The following PCDHGA8 variants were observed in gnomAD, a reference collection of about 807,000 sequenced individuals.
The protein encoded by PCDHGA8 is protocadherin gamma-A8.
PCDHGA8 carries 45 observed loss-of-function variants against 59.2 expected under a neutral mutation model. That is an observed-to-expected ratio of 0.76 (90% CI 0.60 to 0.98). The LOEUF (loss-of-function observed/expected upper bound fraction) is 0.98. PCDHGA8 is among the 50% of genes least tolerant of loss of function. PCDHGA8 has a pLI of 0.00. For missense variants in PCDHGA8, 1,257 were observed against 1,196.2 expected (o/e 1.05, Z -0.75); for synonymous variants, 531 against 519.0 (o/e 1.02, Z -0.32).
chr5:141,431,767 T>C lies in PCDHGA8; in HGVS notation c.2424+36530T>C. The C allele has an allele frequency of 1.2e-6, 2 of 1,614,224 alleles. No homozygotes were observed. Among genetic ancestry groups the C allele is most frequent in the Non-Finnish European group, 1.7e-6 (2 of 1,180,034 alleles). ...CTGCGCGAGCCAAAGTCCTGATCAC[T>C]GTTCTGGACGTGAACGACAATGCCC... On this transcript the variant is annotated intron_variant, in intron 1 of 3. Coordinates refer to ENST00000398604, the MANE Select transcript of PCDHGA8 (RefSeq NM_032088.2). This position sits in a 1 kb window ranked among gnomAD's most constrained non-coding sequence, Gnocchi z 4.8.
In PCDHGA8 at chr5:141,510,976, G is replaced by A. The variant is rs752758180; in HGVS notation, c.2602G>A (p.Gly868Arg). The change falls in exon 4 of 4, where the codon GGG (glycine) becomes AGG (arginine). Residue 868 changes from glycine to arginine, a missense_variant. Gly to Arg is a moderately radical substitution (Grantham distance 125, BLOSUM62 -2). Transcript: ENST00000398604. ...EAADGSSTLG[G>R]GAGTMGLSAR... ...TGCTGATGGGAGCTCCACCCTGGGA[G>A]GGGGTGCCGGCACCATGGGATTGAG... The A allele has an allele frequency of 5.0e-6, 8 of 1,614,046 alleles. No individual in the cohort carries two copies. The highest frequency in any genetic ancestry group is 6.8e-6 in the Non-Finnish European group (8 of 1,180,022).
chr5:141,492,071 C>T (rs992716777), intron 1 of PCDHGA8: 7 of 481,874 alleles, frequency 1.5e-5, no homozygotes, highest in African/African-American at 1.4e-4. Context: ...CTCCTAGGCG[C>T]CGGCTCCGGC....
chr5:141,418,832 G>A, intron 1 of PCDHGA8: 1 of 1,614,008 alleles, frequency 6.2e-7, no homozygotes, highest in Non-Finnish European at 8.5e-7. Flanking sequence ...AAAAGACCGA[G>A]GATCTCTCTC....
At chr5:141,459,165 C>T (rs1418626354) in intron 1 of PCDHGA8, among the ~76,000 whole-genome samples, 2 of 152,130 alleles carry the variant, frequency 1.3e-5, no homozygotes, top group African/African-American at 4.8e-5. Context: ...ATTTCTATAA[C>T]CTTCAAAAGT....
At chr5:141,459,035 AC>A (rs1337856322) in intron 1 of PCDHGA8, among the ~76,000 whole-genome samples, 1 of 152,218 alleles carries the variant, frequency 6.6e-6, no homozygotes, top group Non-Finnish European at 1.5e-5. Flanking sequence ...ATCCAGCCTT[AC>A]CAGCTATATT....
intron 1 of PCDHGA8, among the ~76,000 whole-genome samples, chr5:141,452,299 A>G (rs2098738116): frequency 6.6e-6 from 1 of 152,176 alleles, no homozygotes; most frequent in African/African-American, 2.4e-5. Flanking sequence ...ATAAGAAAAT[A>G]TTAGAGACTC....
chr5:141,413,014 A>T, intron 1 of PCDHGA8: 1 of 663,842 alleles, frequency 1.5e-6, no homozygotes, highest in Non-Finnish European at 2.4e-6. Context: ...CTTCAACTAC[A>T]CAAGCCCCAC....
In PCDHGA8 at chr5:141,476,868, C is replaced by G. The variant is rs1213404395; in HGVS notation, c.2425-17939C>G. On this transcript the variant is annotated intron_variant, in intron 1 of 3. Transcript: ENST00000398604. This position sits in a 1 kb window ranked among gnomAD's most constrained non-coding sequence, Gnocchi z 7.6. Reference sequence around the variant, plus strand: ...GTCTTCAACCAGTCCTTGTACCGGGCGCGCGTCCTGGAGGATGCACCCTCC... The same window carrying G: ...GTCTTCAACCAGTCCTTGTACCGGGGGCGCGTCCTGGAGGATGCACCCTCC... 2.5e-6 allele frequency: 4 copies of G among 1,613,874 alleles called. No homozygotes were observed. Among genetic ancestry groups the G allele is most frequent in the Non-Finnish European group, 3.4e-6 (4 of 1,180,050 alleles).
chr5:141,497,626 G>T (rs1373764805), intron 2 of PCDHGA8, among the ~76,000 whole-genome samples: 3 of 149,502 alleles, frequency 2.0e-5, no homozygotes, highest in Non-Finnish European at 4.4e-5. Flanking sequence ...TGCAACCTCT[G>T]CCTGCCAGGT....
chr5:141,396,829 A>G (rs1216305888), intron 1 of PCDHGA8, among the ~76,000 whole-genome samples: 1 of 152,206 alleles, frequency 6.6e-6, no homozygotes, highest in African/African-American at 2.4e-5. Context: ...GTGCATATTC[A>G]GTGGAGTGGG....
At chr5:141,460,848 C>A (rs528601988) in intron 1 of PCDHGA8, among the ~76,000 whole-genome samples, 1 of 150,236 alleles carries the variant, frequency 6.7e-6, no homozygotes, top group African/African-American at 2.4e-5. Context: ...GCCTCCAGTT[C>A]GATCCAAGTT....
intron 3 of PCDHGA8, among the ~76,000 whole-genome samples, chr5:141,510,227 C>T (rs1010123412): frequency 1.3e-5 from 2 of 150,454 alleles, no homozygotes; most frequent in African/African-American, 2.5e-5. Context: ...GAGCCGGGAT[C>T]GCGCCACTGC....
intron 1 of PCDHGA8, among the ~76,000 whole-genome samples, chr5:141,442,736 A>C (rs2098340663): frequency 6.6e-6 from 1 of 152,226 alleles, no homozygotes; most frequent in African/African-American, 2.4e-5. Flanking sequence ...CCTGTAGGTA[A>C]GGAGCATGTT....
chr5:141,501,701 G>A (rs747266621), intron 2 of PCDHGA8, among the ~76,000 whole-genome samples: 3 of 151,984 alleles, frequency 2.0e-5, no homozygotes, highest in East Asian at 1.9e-4. Flanking sequence ...GGGTGATTCC[G>A]AGGATAAAAA....
At chr5:141,475,889 T>C in intron 1 of PCDHGA8, 1 of 562,248 alleles carries the variant, frequency 1.8e-6, no homozygotes, top group Non-Finnish European at 3.1e-6. Context: ...GCTGGGACTC[T>C]GTGTGCCGCT....
chr5:141,394,826 C>G lies in PCDHGA8; in HGVS notation c.2013C>G (p.Val671=). 1 of 1,613,882 alleles carries G rather than the reference C, an allele frequency of 6.2e-7. No individual in the cohort carries two copies. Among genetic ancestry groups the G allele is most frequent in the Non-Finnish European group, 8.5e-7 (1 of 1,179,996 alleles). Residue 671 remains valine, a synonymous_variant, in exon 1 of 4, where the codon GTC becomes GTG. Transcript: ENST00000398604. ...TVAVADSIPE[V]LTELGSLKPS... The stretch of plus-strand genomic sequence containing the variant: ...CCGTGGCTGACAGCATCCCCGAAGT[C>G]CTGACCGAGTTGGGCAGTCTGAAGC...
At chr5:141,506,566 T>C (rs909998933) in intron 3 of PCDHGA8, among the ~76,000 whole-genome samples, 33 of 152,022 alleles carry the variant, frequency 2.2e-4, no homozygotes, top group Non-Finnish European at 2.9e-5. Flanking sequence ...ACCCCCTCGG[T>C]TTCACTTACT....
chr5:141,427,693 C>A, intron 1 of PCDHGA8: 2 of 909,726 alleles, frequency 2.2e-6, no homozygotes, highest in East Asian at 2.5e-5. Context: ...GCCTCCATCC[C>A]ACAAGTCAGC....
intron 1 of PCDHGA8, among the ~76,000 whole-genome samples, chr5:141,448,521 GCATCCTGTCAGCATTTC>G (rs1378426350): frequency 1.3e-5 from 2 of 151,994 alleles, no homozygotes; most frequent in Non-Finnish European, 2.9e-5. Flanking sequence ...ACTTTATTAA[GCATCCTGTCAGCATTTC>G]TTATGCAAAT....
Sources: allele counts gnomAD v4.1 joint callset (sites outside exome capture counted in the v4.1 genomes callset), GRCh38; gene constraint gnomAD v4.1.1; non-coding constraint Gnocchi (gnomAD v3.1); transcripts MANE v1.5; gene names NCBI Gene and HGNC (gene_info 2026-07-23, HGNC 2026-07-21).